The following SRGAP2C variants were observed in gnomAD, a reference collection of about 807,000 sequenced individuals.
SRGAP2C encodes the protein SLIT-ROBO Rho GTPase activating protein 2C.
SRGAP2C carries 15 observed loss-of-function variants against 25.1 expected under a neutral mutation model. The observed-to-expected ratio is 0.60, with a 90% CI of 0.40 to 0.92. The LOEUF is 0.92. SRGAP2C is among the 40% of genes least tolerant of loss of function. SRGAP2C has a pLI of 0.00. For missense variants in SRGAP2C, 144 were observed against 264.4 expected (o/e 0.54, Z 3.16); for synonymous variants, 44 against 96.6 (o/e 0.46, Z 3.19).
intron 8 of SRGAP2C, among the ~76,000 whole-genome samples, chr1:121,383,322 G>A (rs1373340577): frequency 6.7e-6 from 1 of 150,162 alleles, no homozygotes; most frequent in Non-Finnish European, 1.5e-5. Context: ...GGCGCTCCCA[G>A]TGGTGAGGCT....
chr1:121,351,409 A>G (rs1658901900), intron 4 of SRGAP2C, among the ~76,000 whole-genome samples: 1 of 151,686 alleles, frequency 6.6e-6, no homozygotes, highest in Non-Finnish European at 1.5e-5. Context: ...GGAGATCGAG[A>G]CCATCCTGGC....
At chr1:121,275,742 G>C (rs1273291223) in intron 2 of SRGAP2C, among the ~76,000 whole-genome samples, 3 of 147,344 alleles carry the variant, frequency 2.0e-5, no homozygotes, top group South Asian at 4.3e-4. Context: ...TTGGAAACTT[G>C]TAGGGCCATT....
intron 4 of SRGAP2C, among the ~76,000 whole-genome samples, chr1:121,354,369 A>C (rs1200937099): frequency 3.9e-3 from 63 of 16,198 alleles, no homozygotes; most frequent in Admixed American, 9.1e-3. Context: ...CTGCCCCCCC[A>C]CTTCTTTCTT....
intron 3 of SRGAP2C, among the ~76,000 whole-genome samples, chr1:121,312,730 C>T (rs1429737576): frequency 3.0e-4 from 16 of 53,034 alleles, no homozygotes; most frequent in Non-Finnish European, 4.6e-4. Flanking sequence ...TGTAGTTGAG[C>T]GGCTTTGAGT....
chr1:121,213,171 C>T (rs1341459258), intron 2 of SRGAP2C, among the ~76,000 whole-genome samples: 6 of 144,928 alleles, frequency 4.1e-5, no homozygotes, highest in Admixed American at 1.4e-4. Context: ...TCAGCCACCC[C>T]GGTAGCTGGG....
At chr1:121,346,624 T>A (rs1658749542) in intron 4 of SRGAP2C, among the ~76,000 whole-genome samples, 1 of 152,206 alleles carries the variant, frequency 6.6e-6, no homozygotes, top group Admixed American at 6.5e-5. Flanking sequence ...GATAGGGAGT[T>A]GAGCTTTTTG....
chr1:121,297,957 A>T (rs1301604358), intron 3 of SRGAP2C, among the ~76,000 whole-genome samples: 1 of 148,352 alleles, frequency 6.7e-6, no homozygotes, highest in Non-Finnish European at 1.5e-5. Context: ...TGGGTAAAAC[A>T]CTGGTATATT....
At chr1:121,285,325 T>C (rs1476361546) in intron 3 of SRGAP2C, among the ~76,000 whole-genome samples, 2 of 149,128 alleles carry the variant, frequency 1.3e-5, no homozygotes, top group African/African-American at 4.9e-5. Context: ...TATCCCCAAT[T>C]TATAGATGAG....
chr1:121,286,113 C>T (rs1411093215), intron 3 of SRGAP2C, among the ~76,000 whole-genome samples: 15 of 152,188 alleles, frequency 9.9e-5, no homozygotes, highest in African/African-American at 3.6e-4. Flanking sequence ...CAAGCTTGGT[C>T]TACAGTTTCT....
chr1:121,306,881 T>C (rs1295680676), intron 3 of SRGAP2C, among the ~76,000 whole-genome samples: 2 of 152,142 alleles, frequency 1.3e-5, no homozygotes, highest in South Asian at 4.1e-4. Context: ...TATATACACA[T>C]AAATAGCTGA....
intron 2 of SRGAP2C, among the ~76,000 whole-genome samples, chr1:121,266,364 T>C (rs1553334284): frequency 4.6e-5 from 7 of 150,776 alleles, no homozygotes; most frequent in East Asian, 1.9e-4. Flanking sequence ...TGTAGAATGC[T>C]CATACCATCT....
intron 2 of SRGAP2C, among the ~76,000 whole-genome samples, chr1:121,224,844 AG>A (rs1655627105): frequency 6.6e-6 from 1 of 151,628 alleles, no homozygotes; most frequent in Non-Finnish European, 1.5e-5. Flanking sequence ...GAAAATAGCA[AG>A]TGAAAAGGAT....
At chr1:121,228,677 TG>T (rs1362481803) in intron 2 of SRGAP2C, among the ~76,000 whole-genome samples, 2 of 151,952 alleles carry the variant, frequency 1.3e-5, no homozygotes, top group Non-Finnish European at 2.9e-5. Context: ...TTCTAATAGA[TG>T]GGCAACAATA....
intron 2 of SRGAP2C, among the ~76,000 whole-genome samples, chr1:121,277,791 G>C: frequency 1.8e-5 from 2 of 112,534 alleles, no homozygotes; most frequent in East Asian, 4.8e-4. Flanking sequence ...CCAAGGCCTG[G>C]ATTTGAGAAA....
intron 3 of SRGAP2C, among the ~76,000 whole-genome samples, chr1:121,314,067 C>G (rs1394031071): frequency 1.4e-3 from 144 of 100,414 alleles, no homozygotes; most frequent in Non-Finnish European, 2.3e-3. Flanking sequence ...GTACACCAAT[C>G]AGACGTAGAT....
chr1:121,319,666 T>C (rs1407019332), intron 3 of SRGAP2C, among the ~76,000 whole-genome samples: 7 of 149,158 alleles, frequency 4.7e-5, no homozygotes, highest in Non-Finnish European at 1.5e-5. Context: ...GCATTTACAG[T>C]GATAATGTCT....
intron 2 of SRGAP2C, among the ~76,000 whole-genome samples, chr1:121,259,513 C>T (rs1471411017): frequency 7.1e-6 from 1 of 140,844 alleles, no homozygotes; most frequent in African/African-American, 2.6e-5. Context: ...GTAGAAGACC[C>T]TTTTTTTCTT....
At chr1:121,343,307 C>G (rs1658672577) in intron 4 of SRGAP2C, among the ~76,000 whole-genome samples, 1 of 152,152 alleles carries the variant, frequency 6.6e-6, no homozygotes, top group South Asian at 2.1e-4. Context: ...CTAATTCCAT[C>G]CTTCCAATCC....
intron 2 of SRGAP2C, among the ~76,000 whole-genome samples, chr1:121,237,372 G>A (rs1266164161): frequency 2.0e-5 from 3 of 152,136 alleles, no homozygotes; most frequent in East Asian, 1.9e-4. Context: ...CTATGTGTTC[G>A]CTCCAGTCTT....
Sources: allele counts gnomAD v4.1 joint callset (sites outside exome capture counted in the v4.1 genomes callset), GRCh38; gene constraint gnomAD v4.1.1; transcripts MANE v1.5; gene names NCBI Gene and HGNC (gene_info 2026-07-23, HGNC 2026-07-21).